Variants in MLLT3 observed in about 807,000 individuals in gnomAD.
The protein encoded by MLLT3 is protein AF-9.
In MLLT3, 4 loss-of-function variants were observed where a neutral mutation model predicts 53.2. The observed-to-expected ratio is 0.08, with a 90% CI of 0.04 to 0.17. The LOEUF is 0.17. Among genes scored for constraint, MLLT3 ranks in the 10% least tolerant of loss-of-function variants. The pLI, the probability that MLLT3 is intolerant of heterozygous loss-of-function variation, is 1.00. For missense variants in MLLT3, 569 were observed against 684.0 expected, an observed-to-expected ratio of 0.83 and a Z score of 1.87; for synonymous variants, 283 against 230.6, an observed-to-expected ratio of 1.23 and a Z score of -2.06.
At chr9:20,577,539 C>A (rs1819685997) in intron 2 of MLLT3, among the ~76,000 whole-genome samples, 1 of 152,186 alleles carries the variant, frequency 6.6e-6, no homozygotes, top group African/African-American at 2.4e-5. Context: ...CCAGGTTCAG[C>A]AAAGATTCAC....
chr9:20,478,165 T>C (rs1824572254), intron 2 of MLLT3, among the ~76,000 whole-genome samples: 1 of 152,132 alleles, frequency 6.6e-6, no homozygotes, highest in African/African-American at 2.4e-5. Context: ...AGATTCTCGG[T>C]GGACTGGCAG....
chr9:20,391,909 T>C (rs1388750455), intron 5 of MLLT3, among the ~76,000 whole-genome samples: 1 of 152,172 alleles, frequency 6.6e-6, no homozygotes, highest in Admixed American at 6.5e-5. Context: ...TTTATTTTAC[T>C]ATTAATATAA....
At chr9:20,588,671 G>A (rs1265066477) in intron 2 of MLLT3, among the ~76,000 whole-genome samples, 3 of 152,202 alleles carry the variant, frequency 2.0e-5, no homozygotes, top group Admixed American at 2.0e-4. Context: ...AGGAATGCCT[G>A]TGATTTTTGC....
intron 2 of MLLT3, among the ~76,000 whole-genome samples, chr9:20,587,340 G>A (rs1258379743): frequency 2.0e-5 from 3 of 151,272 alleles, no homozygotes; most frequent in Non-Finnish European, 2.9e-5. Context: ...TTAGGTAGGA[G>A]AAGCCCATCT....
intron 2 of MLLT3, among the ~76,000 whole-genome samples, chr9:20,465,484 C>G (rs1824214224): frequency 1.1e-5 from 1 of 91,756 alleles, no homozygotes; most frequent in Admixed American, 1.1e-4. Flanking sequence ...GTGTTACACA[C>G]AACAGTTATC....
rs146694901 is a variant in MLLT3, at chr9:20,452,655, C to A, written c.276+4049G>T. Among the ~76,000 whole-genome samples the A allele has an allele frequency of 2.6e-3, 395 of 152,168 alleles. 1 individual carries two copies. The highest frequency in any genetic ancestry group is 8.4e-3 in the African/African-American group (350 of 41,518). On this transcript the variant is annotated intron_variant, in intron 3 of 10. Transcript: ENST00000380338. ...AGAAATGAACACTCTGAAGCAAGAG[C>A]CTAGACCTATTAAATTTTTACCAAT...
intron 5 of MLLT3, among the ~76,000 whole-genome samples, chr9:20,397,186 T>C (rs1563949570): frequency 6.6e-6 from 1 of 152,176 alleles, no homozygotes; most frequent in Non-Finnish European, 1.5e-5. Flanking sequence ...GCCTTGGTGT[T>C]TTATACCTTA....
chr9:20,472,786 A>G (rs933764565), intron 2 of MLLT3, among the ~76,000 whole-genome samples: 1 of 152,066 alleles, frequency 6.6e-6, no homozygotes, highest in African/African-American at 2.4e-5. Context: ...CTTTAATCAT[A>G]TTAGTTCAGC....
In MLLT3 at chr9:20,413,793, C is replaced by T. The variant is rs146637666; in HGVS notation, c.1053G>A (p.Thr351=). 9.9e-6 allele frequency: 16 copies of T among 1,613,744 alleles called. No individual in the cohort carries two copies. In the Admixed American group the frequency reaches 1.2e-4, roughly 12 times the overall value. Residue 351 remains threonine (T), a synonymous_variant, in exon 5 of 11, where the codon ACG becomes ACA. Transcript: ENST00000380338. ...CCACAATATCATCAAATGGCGGTAA[C>T]GTTGATTTCTTCTTCTCTGATGTCT... ...ESETSEKKKS[T]LPPFDDIVDP...
intron 2 of MLLT3, among the ~76,000 whole-genome samples, chr9:20,468,930 T>TA (rs1340144835): frequency 1.3e-5 from 2 of 152,218 alleles, no homozygotes; most frequent in Admixed American, 6.5e-5. Flanking sequence ...CGAAGGGATT[T>TA]AAAATCACAC....
At chr9:20,563,881 AG>A (rs1476063024) in intron 2 of MLLT3, among the ~76,000 whole-genome samples, 2 of 152,184 alleles carry the variant, frequency 1.3e-5, no homozygotes, top group African/African-American at 4.8e-5. Flanking sequence ...ATCAGCCACA[AG>A]TTTTCATTAT....
chr9:20,604,290 A>G (rs1456574422), intron 2 of MLLT3, among the ~76,000 whole-genome samples: 5 of 152,108 alleles, frequency 3.3e-5, no homozygotes, highest in Admixed American at 6.6e-5. Context: ...TTTAAAGTCA[A>G]TGAGTTAGTA....
chr9:20,484,200 C>T (rs1025293715), intron 2 of MLLT3, among the ~76,000 whole-genome samples: 4 of 152,036 alleles, frequency 2.6e-5, no homozygotes, highest in African/African-American at 7.2e-5. Context: ...TCCAGTCAAG[C>T]CGGTAATGGA....
At chr9:20,470,743 G>A (rs763487668) in intron 2 of MLLT3, among the ~76,000 whole-genome samples, 5 of 151,946 alleles carry the variant, frequency 3.3e-5, no homozygotes, top group Non-Finnish European at 4.4e-5. Context: ...GGAGGGTAGG[G>A]AGGGAGTAAT....
chr9:20,595,550 C>A lies in MLLT3; in HGVS notation c.193+25104G>T, dbSNP rs1820240700. Among the ~76,000 whole-genome samples, 3 of 151,882 alleles carry A rather than the reference C, an allele frequency of 2.0e-5. No individual in the cohort carries two copies. The South Asian group carries it at 6.2e-4, about 32-fold the overall frequency. The stretch of plus-strand genomic sequence containing the variant: ...CATAAACAGGAAAAATAGAATAGAT[C>A]CTGTATCTATCATTTGAAACATAAG... On this transcript the variant is annotated intron_variant, in intron 2 of 10. Transcript: ENST00000380338.
chr9:20,398,934 T>C (rs573670995), intron 5 of MLLT3, among the ~76,000 whole-genome samples: 47 of 152,250 alleles, frequency 3.1e-4, no homozygotes, highest in African/African-American at 1.1e-3. Context: ...TCTCTTCTCT[T>C]TCTGTTGGAG....
At chr9:20,594,304 G>C (rs1820197883) in intron 2 of MLLT3, among the ~76,000 whole-genome samples, 1 of 152,178 alleles carries the variant, frequency 6.6e-6, no homozygotes, top group East Asian at 1.9e-4. Flanking sequence ...GAACTCAAGA[G>C]TTATGAGTGC....
At chr9:20,442,175 A>G (rs1823571857) in intron 4 of MLLT3, among the ~76,000 whole-genome samples, 1 of 152,218 alleles carries the variant, frequency 6.6e-6, no homozygotes, top group South Asian at 2.1e-4. Context: ...TGAATTACAA[A>G]TGAGATGCCA....
intron 2 of MLLT3, among the ~76,000 whole-genome samples, chr9:20,470,430 A>G (rs545734542): frequency 2.2e-4 from 33 of 152,076 alleles, no homozygotes; most frequent in Non-Finnish European, 4.3e-4. Flanking sequence ...CCACTATCTA[A>G]TTTAATTTTC....
Sources: allele counts gnomAD v4.1 joint callset (sites outside exome capture counted in the v4.1 genomes callset), GRCh38; gene constraint gnomAD v4.1.1; transcripts MANE v1.5; gene names NCBI Gene and HGNC (gene_info 2026-07-23, HGNC 2026-07-21).